Variants in ZEB1 observed in about 807,000 individuals in gnomAD.
The protein encoded by ZEB1 is zinc finger E-box-binding homeobox 1.
ZEB1 carries 21 observed loss-of-function variants against 84.9 expected under a neutral mutation model. That is an observed-to-expected ratio of 0.25 (90% CI 0.18 to 0.36). ZEB1 has a LOEUF of 0.36. ZEB1 is among the 10% of genes least tolerant of loss of function. The probability of loss-of-function intolerance (pLI) is 1.00; values close to 1 mark genes in which losing one functional copy is unlikely to be tolerated. For synonymous variants in ZEB1, 420 were observed against 471.1 expected (o/e 0.89, Z 1.41); for missense variants, 1,104 against 1,330.2 (o/e 0.83, Z 2.65).
chr10:31,323,051 C>G (rs1181938928), intron 1 of ZEB1, among the ~76,000 whole-genome samples: 1 of 152,074 alleles, frequency 6.6e-6, no homozygotes. Flanking sequence ...TAGAAAGAAG[C>G]AGGACTGTTT....
upstream of ZEB1, chr10:31,319,155 G>A (rs1351402831): frequency 1.9e-5 from 18 of 928,498 alleles, no homozygotes; most frequent in Non-Finnish European, 2.4e-5. Flanking sequence ...AGGGGGGAGG[G>A]GTGGAGGCGG....
chr10:31,489,258 C>A (rs1416462691), intron 2 of ZEB1, among the ~76,000 whole-genome samples: 2 of 151,366 alleles, frequency 1.3e-5, no homozygotes, highest in East Asian at 3.9e-4. Context: ...CTGAAGTCTA[C>A]TTTGTCTGAT....
intron 1 of ZEB1, among the ~76,000 whole-genome samples, chr10:31,439,288 T>C (rs1311152607): frequency 6.6e-6 from 1 of 152,176 alleles, no homozygotes; most frequent in Non-Finnish European, 1.5e-5. Context: ...AAAACAAGTT[T>C]TCAGATAAAC....
At chr10:31,352,351 A>T (rs1027237236) in intron 1 of ZEB1, among the ~76,000 whole-genome samples, 2 of 152,222 alleles carry the variant, frequency 1.3e-5, no homozygotes, top group Non-Finnish European at 2.9e-5. Flanking sequence ...GTAGTCACAA[A>T]AAAACAAAAA....
chr10:31,364,422 G>A (rs1564601807), intron 1 of ZEB1, among the ~76,000 whole-genome samples: 1 of 152,180 alleles, frequency 6.6e-6, no homozygotes, highest in Admixed American at 6.5e-5. Context: ...GCACCCAGTG[G>A]CCCTGTTTTG....
chr10:31,321,116 C>G, intron 1 of ZEB1: 4 of 1,020,546 alleles, frequency 3.9e-6, no homozygotes, highest in Non-Finnish European at 4.7e-6. Context: ...CCAGCCCCAC[C>G]CCCCGCGCCT....
At chr10:31,369,816 C>T (rs914910664) in intron 1 of ZEB1, among the ~76,000 whole-genome samples, 2 of 152,158 alleles carry the variant, frequency 1.3e-5, no homozygotes, top group African/African-American at 4.8e-5. Context: ...TTTGCATTCC[C>T]ACCAACAATG....
intron 1 of ZEB1, among the ~76,000 whole-genome samples, chr10:31,399,654 C>T (rs758067089): frequency 2.0e-5 from 3 of 152,126 alleles, no homozygotes; most frequent in Non-Finnish European, 2.9e-5. Context: ...TCAGTCCATT[C>T]TTAATATAGC....
intron 1 of ZEB1, among the ~76,000 whole-genome samples, chr10:31,412,338 C>T (rs2054458448): frequency 6.6e-6 from 1 of 152,042 alleles, no homozygotes; most frequent in African/African-American, 2.4e-5. Flanking sequence ...GTATAAATGG[C>T]CATGTTGGTG....
intron 1 of ZEB1, among the ~76,000 whole-genome samples, chr10:31,375,409 G>A (rs2134594839): frequency 6.6e-6 from 1 of 151,788 alleles, no homozygotes; most frequent in South Asian, 2.1e-4. Context: ...AGCTCTTTTT[G>A]GTTCTGTTTA....
In ZEB1 at chr10:31,453,960, G is replaced by A. The variant is rs186921436; in HGVS notation, c.59-7077G>A. On this transcript the variant is annotated intron_variant, in intron 1 of 8. Coordinates refer to ENST00000424869, the MANE Select transcript of ZEB1 (RefSeq NM_001174096.2). ...AACCTGGCAGAGACACAACAAAAAAGGAAAATTTCAGGCCAGTATCCCTGA... is the reference window on the plus strand; with the variant it reads ...AACCTGGCAGAGACACAACAAAAAAAGAAAATTTCAGGCCAGTATCCCTGA... Among the ~76,000 whole-genome samples the A allele has an allele frequency of 9.1e-3, 1,390 of 152,104 alleles. 13 individuals carry two copies. The highest frequency in any genetic ancestry group is 0.031 in the African/African-American group (1,300 of 41,510).
intron 1 of ZEB1, among the ~76,000 whole-genome samples, chr10:31,427,043 C>CT (rs1422739108): frequency 3.3e-5 from 5 of 151,746 alleles, no homozygotes; most frequent in Non-Finnish European, 5.9e-5. Flanking sequence ...TGTAGTCTCT[C>CT]TTACTTCTTG....
chr10:31,447,770 G>A lies in ZEB1; in HGVS notation c.59-13267G>A, dbSNP rs1261285002. ...CACTCTTCTGGCTTGTAGGGTTTCT[G>A]CCGAGAGATCAGCTGTTAGTCTGAT... On this transcript the variant is annotated intron_variant, in intron 1 of 8. Transcript: ENST00000424869. Among the ~76,000 whole-genome samples, 3 of 152,132 alleles carry A rather than the reference G, an allele frequency of 2.0e-5. No individual in the cohort carries two copies. In the South Asian group the frequency reaches 6.2e-4, roughly 31 times the overall value.
intron 1 of ZEB1, among the ~76,000 whole-genome samples, chr10:31,367,865 C>T (rs910882328): frequency 2.6e-5 from 4 of 151,962 alleles, no homozygotes; most frequent in Admixed American, 6.6e-5. Flanking sequence ...AGTAAGCATG[C>T]ACCCAAAAAC....
intron 1 of ZEB1, among the ~76,000 whole-genome samples, chr10:31,449,373 C>T (rs952832617): frequency 2.0e-5 from 3 of 152,238 alleles, no homozygotes; most frequent in Non-Finnish European, 2.9e-5. Context: ...CACCCGTCTT[C>T]TGCGTCGCTC....
At chr10:31,349,957 T>C (rs1223477938) in intron 1 of ZEB1, among the ~76,000 whole-genome samples, 1 of 152,186 alleles carries the variant, frequency 6.6e-6, no homozygotes, top group African/African-American at 2.4e-5. Context: ...TTTTGTTGCC[T>C]ATACTTTTAG....
At chr10:31,376,588 G>A (rs2046661446) in intron 1 of ZEB1, among the ~76,000 whole-genome samples, 1 of 151,686 alleles carries the variant, frequency 6.6e-6, no homozygotes, top group Non-Finnish European at 1.5e-5. Flanking sequence ...TAGTTAAGAA[G>A]TTGGGCTCCA....
chr10:31,522,532 A>G lies in ZEB1; in HGVS notation c.2604+596A>G, dbSNP rs181525202. On this transcript the variant is annotated intron_variant, in intron 7 of 8. Coordinates refer to ENST00000424869, the MANE Select transcript of ZEB1 (RefSeq NM_001174096.2). The stretch of plus-strand genomic sequence containing the variant: ...AGTGTGGCTGTGAACCTAAAAATAC[A>G]TATGCATTTTCCTCCTTAACTATCA... Among the ~76,000 whole-genome samples the G allele has an allele frequency of 1.6e-3, 239 of 152,314 alleles. 1 individual carries two copies. The highest frequency in any genetic ancestry group is 4.8e-3 in the African/African-American group (200 of 41,570).
chr10:31,461,826 A>G (rs974543063), intron 2 of ZEB1, among the ~76,000 whole-genome samples: 1 of 152,106 alleles, frequency 6.6e-6, no homozygotes, highest in Non-Finnish European at 1.5e-5. Flanking sequence ...TCATCTGTCA[A>G]ATGGAGAAAT....
Sources: allele counts gnomAD v4.1 joint callset (sites outside exome capture counted in the v4.1 genomes callset), GRCh38; gene constraint gnomAD v4.1.1; transcripts MANE v1.5; gene names NCBI Gene and HGNC (gene_info 2026-07-23, HGNC 2026-07-21).